The following C16orf46 variants were observed in gnomAD, a reference collection of about 807,000 sequenced individuals.
The protein encoded by C16orf46 is uncharacterized protein C16orf46.
A neutral mutation model predicts 5.5 loss-of-function variants in C16orf46; 7 were observed. That is an observed-to-expected ratio of 1.28 (90% CI 0.73 to 2.40). The LOEUF (loss-of-function observed/expected upper bound fraction) is 2.40. C16orf46 is among the 30% of genes most tolerant of loss of function. The pLI is 0.00. For synonymous variants in C16orf46, 200 were observed against 184.1 expected, an observed-to-expected ratio of 1.09 and a Z score of -0.70; for missense variants, 614 against 476.0, an observed-to-expected ratio of 1.29 and a Z score of -2.70.
In C16orf46 at chr16:81,061,709, G is replaced by T. The variant is rs150112740; in HGVS notation, c.640C>A (p.Leu214Met). The change falls in exon 4 of 4, where the codon CTG becomes ATG. Residue 214 changes from leucine (L) to methionine (M), a missense_variant. Physicochemically the swap from Leu to Met is conservative, Grantham distance 15. Coordinates refer to ENST00000299578, the MANE Select transcript of C16orf46 (RefSeq NM_152337.3). The part of the protein sequence containing the change: ...TSRALLVLPP[L>M]KASLSNALDV... ...AAAGCATTTGAAAGTGAAGCCTTCA[G>T]GGGAGGCAGAACTAGGAGGGCCCTG... 3 of 1,613,964 alleles carry T rather than the reference G, an allele frequency of 1.9e-6. No homozygotes were observed. The African/African-American group carries it at 4.0e-5, about 22-fold the overall frequency.
chr16:81,068,858 C>T (rs804899), intron 1 of C16orf46, among the ~76,000 whole-genome samples: 148,432 of 152,050 alleles, frequency 0.98, 72,538 homozygotes, highest in Middle Eastern at 1. Flanking sequence ...CATGCCACCA[C>T]GCCCGGCTAA....
At chr16:81,068,181 T>G (rs1222378315) in intron 1 of C16orf46, among the ~76,000 whole-genome samples, 4 of 152,198 alleles carry the variant, frequency 2.6e-5, no homozygotes, top group Non-Finnish European at 5.9e-5. Flanking sequence ...TCCGGCAAAG[T>G]TAATGTAGCT....
chr16:81,063,926 G>C lies in C16orf46; in HGVS notation c.30C>G (p.Asp10Glu). The part of the protein sequence containing the change: MDLCQKNET[D>E]LENAENNEIQ... Reference sequence around the variant, plus strand: ...TTTCATTATTTTCAGCATTTTCTAAGTCAGTCTCATTTTTCTGACAGAGAT... The same window carrying C: ...TTTCATTATTTTCAGCATTTTCTAACTCAGTCTCATTTTTCTGACAGAGAT... The change falls in exon 3 of 4, where the codon GAC becomes GAG. Residue 10 changes from aspartate (D) to glutamate (E), a missense_variant. Asp to Glu is a conservative substitution (Grantham distance 45, BLOSUM62 2). Transcript: ENST00000299578. 1 of 1,613,206 alleles carries C rather than the reference G, an allele frequency of 6.2e-7. No individual in the cohort carries two copies. Among genetic ancestry groups the C allele is most frequent in the Non-Finnish European group, 8.5e-7 (1 of 1,179,590 alleles).
At chr16:81,072,945 C>T (rs968002239) in intron 1 of C16orf46, among the ~76,000 whole-genome samples, 14 of 152,200 alleles carry the variant, frequency 9.2e-5, no homozygotes, top group South Asian at 2.1e-4. Flanking sequence ...TCAAGTGATC[C>T]GTCCGCCTCA....
At chr16:81,067,938 G>A (rs947670972) in intron 1 of C16orf46, among the ~76,000 whole-genome samples, 1 of 152,150 alleles carries the variant, frequency 6.6e-6, no homozygotes, top group African/African-American at 2.4e-5. Context: ...TATAACATCA[G>A]ATAACAAGTT....
intron 1 of C16orf46, chr16:81,072,135 C>A (rs1971876094): frequency 6.6e-6 from 1 of 152,154 alleles, no homozygotes; most frequent in Non-Finnish European, 1.5e-5. Flanking sequence ...TCCCCATAAA[C>A]CCTCATCAGA....
intron 2 of C16orf46, among the ~76,000 whole-genome samples, chr16:81,065,936 A>C (rs1166648480): frequency 6.6e-6 from 1 of 151,346 alleles, no homozygotes; most frequent in African/African-American, 2.4e-5. Context: ...TACTGGAGTA[A>C]ATTTTGTAAA....
At chr16:81,062,221 G>T in intron 3 of C16orf46, 83 bp from the exon 4 acceptor site, 1 of 1,227,678 alleles carries the variant, frequency 8.1e-7, no homozygotes, top group Non-Finnish European at 1.1e-6. Context: ...TCCCATTTTG[G>T]CAGTCTTATG....
chr16:81,071,090 C>G (rs1971834348), intron 1 of C16orf46, among the ~76,000 whole-genome samples: 1 of 152,112 alleles, frequency 6.6e-6, no homozygotes, highest in African/African-American at 2.4e-5. Flanking sequence ...AATCCAGTGC[C>G]AATCAGACAG....
intron 1 of C16orf46, among the ~76,000 whole-genome samples, chr16:81,070,267 G>T (rs768958980): frequency 3.3e-5 from 5 of 152,220 alleles, no homozygotes; most frequent in Non-Finnish European, 7.3e-5. Flanking sequence ...TAGGAATCTA[G>T]AGCAGGATTC....
At chr16:81,065,440 C>G (rs75042669) in intron 2 of C16orf46, among the ~76,000 whole-genome samples, 1 of 146,052 alleles carries the variant, frequency 6.8e-6, no homozygotes, top group Non-Finnish European at 1.5e-5. Context: ...TGCCACTGCA[C>G]TCCAGCCTGG....
At chr16:81,068,955 C>G (rs545051026) in intron 1 of C16orf46, among the ~76,000 whole-genome samples, 1 of 151,502 alleles carries the variant, frequency 6.6e-6, no homozygotes, top group African/African-American at 2.4e-5. Flanking sequence ...TCACCCGCCT[C>G]GGCCTCCCAA....
chr16:81,053,989 T>C (rs1971223916), exon 4 of C16orf46: 3 of 1,437,934 alleles, frequency 2.1e-6, no homozygotes, highest in Middle Eastern at 1.7e-4. Flanking sequence ...CGCTTTTCCA[T>C]GTCCTGGGTG....
At position 81,061,296 on chromosome 16, in the gene C16orf46, T is replaced by G; in HGVS notation, c.1053A>C (p.Arg351=). 1.2e-6 allele frequency: 2 copies of G among 1,614,118 alleles called. No homozygotes were observed. Among genetic ancestry groups the G allele is most frequent in the Non-Finnish European group, 8.5e-7 (1 of 1,180,028 alleles). The part of the protein sequence containing the change: ...AKEPRSPVIT[R]KHVLPKAKQE... ...GCTTGGCCTTTGGGAGAACATGCTT[T>G]CGGGTGATCACAGGAGATCTTGGCT... Residue 351 remains arginine (R), a synonymous_variant, in exon 4 of 4, where the codon CGA becomes CGC. Coordinates refer to ENST00000299578, the MANE Select transcript of C16orf46 (RefSeq NM_152337.3).
chr16:81,057,746 A>C (rs1971342158), downstream of C16orf46, among the ~76,000 whole-genome samples: 1 of 151,614 alleles, frequency 6.6e-6, no homozygotes, highest in African/African-American at 2.4e-5. Flanking sequence ...CAAAACCTGA[A>C]ACAGGCCGGG....
intron 3 of C16orf46, chr16:81,055,503 G>A (rs1445051205): frequency 6.6e-6 from 1 of 151,632 alleles, no homozygotes; most frequent in Non-Finnish European, 1.5e-5. Flanking sequence ...AGACCAACCT[G>A]GGCAACATGG....
chr16:81,063,703 A>T (rs1389503307), intron 3 of C16orf46, 43 bp downstream of exon 3: 1 of 1,522,372 alleles, frequency 6.6e-7, no homozygotes. Context: ...CAAAACACTG[A>T]TGTGCGAGAG....
At chr16:81,073,287 T>C (rs926402238) in intron 1 of C16orf46, among the ~76,000 whole-genome samples, 3 of 152,166 alleles carry the variant, frequency 2.0e-5, no homozygotes, top group African/African-American at 7.2e-5. Flanking sequence ...GAACACAAGC[T>C]CCATGTCTTT....
chr16:81,070,806 G>A (rs952548176), intron 1 of C16orf46, among the ~76,000 whole-genome samples: 1 of 152,010 alleles, frequency 6.6e-6, no homozygotes, highest in African/African-American at 2.4e-5. Context: ...TCCTACCTCA[G>A]CCTCCCGAGT....
Sources: allele counts gnomAD v4.1 joint callset (sites outside exome capture counted in the v4.1 genomes callset), GRCh38; gene constraint gnomAD v4.1.1; transcripts MANE v1.5; gene names NCBI Gene and HGNC (gene_info 2026-07-23, HGNC 2026-07-21).